Variants in C2CD3 observed in about 807,000 individuals in gnomAD.
C2CD3 encodes the protein C2 domain containing 3 centriole elongation regulator.
In C2CD3, 148 loss-of-function variants were observed where a neutral mutation model predicts 234.0. That is an observed-to-expected ratio of 0.63 (90% CI 0.55 to 0.72). C2CD3 has a LOEUF of 0.72. Ranked by LOEUF, C2CD3 falls within the 30% of genes least tolerant of loss-of-function variation. The probability of loss-of-function intolerance (pLI) is 0.00; values close to 1 mark genes in which losing one functional copy is unlikely to be tolerated. For missense variants in C2CD3, 2,577 were observed against 2,811.5 expected, an observed-to-expected ratio of 0.92 and a Z score of 1.89; for synonymous variants, 1,000 against 1,035.4, an observed-to-expected ratio of 0.97 and a Z score of 0.66.
At chr11:74,160,785 G>T (rs1419043669) in intron 3 of C2CD3, among the ~76,000 whole-genome samples, 1 of 151,904 alleles carries the variant, frequency 6.6e-6, no homozygotes, top group Non-Finnish European at 1.5e-5. Flanking sequence ...TGAGATGATG[G>T]ATATGCTAAT....
intron 24 of C2CD3, among the ~76,000 whole-genome samples, chr11:74,069,542 AGTT>A (rs1230357404): frequency 3.3e-5 from 5 of 152,322 alleles, no homozygotes; most frequent in African/African-American, 1.2e-4. Flanking sequence ...TACACACTAA[AGTT>A]GTGCTGATAA....
At chr11:74,107,098 G>A (rs949144838) in intron 12 of C2CD3, among the ~76,000 whole-genome samples, 10 of 152,150 alleles carry the variant, frequency 6.6e-5, no homozygotes, top group Non-Finnish European at 1.5e-4. Flanking sequence ...GAGGCAGGCA[G>A]ATCACCTCAG....
intron 13 of C2CD3, among the ~76,000 whole-genome samples, chr11:74,105,358 C>T (rs921761336): frequency 1.3e-5 from 2 of 152,036 alleles, no homozygotes; most frequent in African/African-American, 4.8e-5. Flanking sequence ...GCAACCTCTG[C>T]CTCCTGGGTT....
At position 74,013,914 on chromosome 11, in the gene C2CD3, G is replaced by A. The variant is rs561227721; in HGVS notation, c.6922-389C>T. 5.3e-5 allele frequency among the ~76,000 whole-genome samples: 8 copies of A among 152,212 alleles called. No individual in the cohort carries two copies. The South Asian group carries it at 1.7e-3, about 32-fold the overall frequency. ...TTTAGACAAGTCATTTGTCCTCTGGGTTTAGTCCCATGTGTGATGCTGGGA... is the reference window on the plus strand; with the variant it reads ...TTTAGACAAGTCATTTGTCCTCTGGATTTAGTCCCATGTGTGATGCTGGGA... On this transcript the variant is annotated intron_variant, in intron 32 of 32. Transcript: ENST00000334126.
chr11:74,140,432 A>G (rs1958016595), intron 3 of C2CD3, among the ~76,000 whole-genome samples: 1 of 152,214 alleles, frequency 6.6e-6, no homozygotes, highest in African/African-American at 2.4e-5. Context: ...CCATTAGCAT[A>G]ATCACCATTT....
intron 7 of C2CD3, among the ~76,000 whole-genome samples, chr11:74,125,549 A>C (rs1333591697): frequency 1.3e-5 from 2 of 152,100 alleles, no homozygotes; most frequent in East Asian, 3.8e-4. Context: ...TGAAAAATGA[A>C]GGACCCACTC....
intron 16 of C2CD3, among the ~76,000 whole-genome samples, chr11:74,096,192 C>G (rs1956100334): frequency 6.6e-6 from 1 of 152,186 alleles, no homozygotes. Context: ...GGTTTAGACT[C>G]AACGTAGTCT....
At chr11:74,049,262 C>T in intron 27 of C2CD3, 75 bp downstream of exon 27, 1 of 1,269,746 alleles carries the variant, frequency 7.9e-7, no homozygotes, top group Admixed American at 1.7e-5. Flanking sequence ...CCGGAGAGTG[C>T]CAAACATGAG....
chr11:74,143,739 T>G (rs1854969298), intron 3 of C2CD3, among the ~76,000 whole-genome samples: 2 of 151,818 alleles, frequency 1.3e-5, no homozygotes, highest in Admixed American at 1.3e-4. Flanking sequence ...TTAAGGATAT[T>G]GTTCTATACT....
At chr11:74,130,256 C>T (rs1462871396) in intron 7 of C2CD3, among the ~76,000 whole-genome samples, 25 of 148,030 alleles carry the variant, frequency 1.7e-4, no homozygotes, top group Admixed American at 6.0e-4. Flanking sequence ...AAACAGGTCT[C>T]GCTTTGTCGC....
chr11:74,097,912 C>T, intron 16 of C2CD3, 97 bp downstream of exon 16: 4 of 1,236,494 alleles, frequency 3.2e-6, no homozygotes, highest in Non-Finnish European at 3.4e-6. Flanking sequence ...TTTGTTGAGC[C>T]TTTCATTACA....
intron 19 of C2CD3, 68 bp downstream of exon 19, chr11:74,092,348 C>T (rs1955928140): frequency 1.4e-6 from 2 of 1,447,752 alleles, no homozygotes; most frequent in East Asian, 2.3e-5. Flanking sequence ...AACCACCGCA[C>T]CCGGCTATTT....
rs1444525561 is a variant in C2CD3 at position 74,146,394 on chromosome 11, G to A, written c.484-6566C>T. Among the ~76,000 whole-genome samples, 5 of 152,124 alleles carry A rather than the reference G, an allele frequency of 3.3e-5. No individual in the cohort carries two copies. The East Asian group carries it at 9.6e-4, about 29-fold the overall frequency. ...TGTGGCATTCTTCTTTGTAGTTGAT[G>A]AGAACACAGATTAAAAATAACTTTC... On this transcript the variant is annotated intron_variant, in intron 3 of 32. Coordinates refer to ENST00000334126, the MANE Select transcript of C2CD3 (RefSeq NM_001286577.2).
rs869085401 is a variant in C2CD3 at position 74,054,507 on chromosome 11, G to GA, written c.5155+99dup. 31,122 of 272,506 alleles carry GA rather than the reference G, an allele frequency of 0.11. 586 individuals are homozygous for GA. The highest frequency in any genetic ancestry group is 0.14 in the Non-Finnish European group (20,767 of 149,422). 16.9% of individuals were successfully genotyped at this position (272,506 alleles called of 1,614,324 possible). A position where few individuals can be genotyped will look rare whatever the true frequency, so the allele number is the denominator to read the frequency against. On this transcript the variant is annotated intron_variant, in intron 26 of 32. Coordinates refer to ENST00000334126, the MANE Select transcript of C2CD3 (RefSeq NM_001286577.2). The stretch of plus-strand genomic sequence containing the variant: ...TGTCGGGAATGCTTCACTTGGTTTG[G>GA]AAAAAAAAAAAAAAAAAAAAAAAAA...
intron 12 of C2CD3, chr11:74,107,949 G>C (rs1433916147): frequency 6.6e-6 from 1 of 152,070 alleles, no homozygotes; most frequent in Non-Finnish European, 1.5e-5. Flanking sequence ...AGGAGATCGA[G>C]ACCATCCTGG....
In C2CD3 at chr11:74,059,340, G is replaced by A. The variant is rs1212450430; in HGVS notation, c.4952-1796C>T. Among the ~76,000 whole-genome samples the A allele has an allele frequency of 3.4e-4, 51 of 149,832 alleles. 1 individual carries two copies. Among genetic ancestry groups the A allele is most frequent in the Non-Finnish European group, 1.9e-4 (13 of 67,726 alleles). On this transcript the variant is annotated intron_variant, in intron 24 of 32. Coordinates refer to ENST00000334126, the MANE Select transcript of C2CD3 (RefSeq NM_001286577.2). ...GCAGGAGAATGGCGTGAACCTGGGA[G>A]GCGGAGCTTGCAGTGAGCCGAGATT...
At chr11:74,048,389 T>C in intron 27 of C2CD3, 51 bp from the exon 28 acceptor site, 1 of 1,588,646 alleles carries the variant, frequency 6.3e-7, no homozygotes, top group Non-Finnish European at 8.6e-7. Flanking sequence ...AACCCATTCG[T>C]AACAAAGCAG....
chr11:74,078,074 G>A (rs1591406288), intron 23 of C2CD3, 41 bp downstream of exon 23: 8 of 1,581,532 alleles, frequency 5.1e-6, no homozygotes, highest in Non-Finnish European at 6.9e-6. Flanking sequence ...ACACAGAGCA[G>A]GTGCTCAAAC....
At chr11:74,054,920 C>T (rs1953886934) in intron 25 of C2CD3, among the ~76,000 whole-genome samples, 1 of 152,164 alleles carries the variant, frequency 6.6e-6, no homozygotes, top group Non-Finnish European at 1.5e-5. Context: ...CCACCACTCC[C>T]AAAGTTTCCC....
Sources: allele counts gnomAD v4.1 joint callset (sites outside exome capture counted in the v4.1 genomes callset), GRCh38; gene constraint gnomAD v4.1.1; transcripts MANE v1.5; gene names NCBI Gene and HGNC (gene_info 2026-07-23, HGNC 2026-07-21).